Variants in TRPA1 observed in about 807,000 individuals in gnomAD.
The protein encoded by TRPA1 is ankyrin-like with transmembrane domains 1.
A neutral mutation model predicts 131.3 loss-of-function variants in TRPA1; 129 were observed. The ratio of observed to expected loss-of-function variants is 0.98; its 90% CI spans 0.85 to 1.14. The LOEUF (loss-of-function observed/expected upper bound fraction) is 1.14, where lower values mean the gene tolerates loss of function less well. Ranked by LOEUF, TRPA1 falls within the 50% of genes most tolerant of loss-of-function variation. The probability of loss-of-function intolerance (pLI) is 0.00; values close to 1 mark genes in which losing one functional copy is unlikely to be tolerated. For missense variants in TRPA1, 1,304 were observed against 1,354.2 expected, an observed-to-expected ratio of 0.96 and a Z score of 0.58; for synonymous variants, 441 against 451.7, an observed-to-expected ratio of 0.98 and a Z score of 0.30.
intron 24 of TRPA1, among the ~76,000 whole-genome samples, chr8:72,028,233 C>A (rs927109265): frequency 4.6e-5 from 7 of 152,176 alleles, no homozygotes; most frequent in Admixed American, 6.5e-5. Flanking sequence ...AATAACTCTC[C>A]ACTAACTTAC....
At chr8:72,045,042 A>G (rs1478922330) in intron 17 of TRPA1, among the ~76,000 whole-genome samples, 3 of 152,046 alleles carry the variant, frequency 2.0e-5, no homozygotes. Context: ...TTAGAATTAA[A>G]AAACACATAC....
At chr8:72,044,078 C>A (rs1812346381) in intron 17 of TRPA1, among the ~76,000 whole-genome samples, 1 of 151,380 alleles carries the variant, frequency 6.6e-6, no homozygotes, top group African/African-American at 2.4e-5. Flanking sequence ...TTACCCCAAC[C>A]ATTTGAAAAG....
chr8:72,027,106 C>T (rs1811636744), intron 24 of TRPA1, among the ~76,000 whole-genome samples: 2 of 151,886 alleles, frequency 1.3e-5, no homozygotes, highest in South Asian at 4.2e-4. Flanking sequence ...TTCCTTTTTT[C>T]CCCTTTGCTC....
At chr8:72,029,417 T>C (rs1367766822) in intron 24 of TRPA1, among the ~76,000 whole-genome samples, 2 of 152,184 alleles carry the variant, frequency 1.3e-5, no homozygotes, top group African/African-American at 4.8e-5. Flanking sequence ...TTAGAGCAGG[T>C]ATACCAGGTA....
At position 72,065,600 on chromosome 8, in the gene TRPA1, T is replaced by A; in HGVS notation, c.445-42A>T. ...ATAATTGTCAAAATTTTTGCAGATTTCCAAATAAGGTACTTGCCTTCCACT... is the reference window on the plus strand; with the variant it reads ...ATAATTGTCAAAATTTTTGCAGATTACCAAATAAGGTACTTGCCTTCCACT... On this transcript the variant is annotated intron_variant, in intron 3 of 26. Coordinates refer to ENST00000262209, the MANE Select transcript of TRPA1 (RefSeq NM_007332.3). 2 of 1,497,990 alleles carry A rather than the reference T, an allele frequency of 1.3e-6. 1 individual carries two copies. The highest frequency in any genetic ancestry group is 3.4e-4 in the Middle Eastern group (2 of 5,830). 92.8% of individuals were successfully genotyped at this position (1,497,990 alleles called of 1,614,324 possible). A position where few individuals can be genotyped will look rare whatever the true frequency, so the allele number is the denominator to read the frequency against.
At chr8:72,077,601 G>C (rs544662286), upstream of TRPA1, among the ~76,000 whole-genome samples, 1 of 152,118 alleles carries the variant, frequency 6.6e-6, no homozygotes, top group South Asian at 2.1e-4. Flanking sequence ...TGGGGGTCTT[G>C]TTCCTTTTAG....
At chr8:72,039,395 T>G (rs929415894) in intron 18 of TRPA1, among the ~76,000 whole-genome samples, 5 of 152,062 alleles carry the variant, frequency 3.3e-5, no homozygotes, top group Non-Finnish European at 5.9e-5. Context: ...TTTCATTTAA[T>G]GTTAAAGATA....
At chr8:72,054,252 AT>A (rs1200697982) in intron 12 of TRPA1, 9 of 258,386 alleles carry the variant, frequency 3.5e-5, no homozygotes, top group South Asian at 3.2e-4. Flanking sequence ...CTGTATCAAA[AT>A]TTTTTTATGA....
At chr8:72,035,980 C>T (rs558155581) in intron 21 of TRPA1, among the ~76,000 whole-genome samples, 4 of 99,134 alleles carry the variant, frequency 4.0e-5, no homozygotes, top group African/African-American at 1.6e-4. Context: ...AAGCAATTTA[C>T]GATATACAAG....
intron 25 of TRPA1, among the ~76,000 whole-genome samples, chr8:72,025,112 G>A (rs199813348): frequency 5.7e-5 from 4 of 70,406 alleles, no homozygotes; most frequent in African/African-American, 3.6e-4. Flanking sequence ...GTTCGTGTGT[G>A]TGTGTGTGTG....
rs770391316 is a variant in TRPA1, at chr8:72,075,459, G to A, written c.-50C>T. 1.3e-5 allele frequency: 19 copies of A among 1,471,110 alleles called. No individual in the cohort carries two copies. The South Asian group carries it at 1.9e-4, about 15-fold the overall frequency. The allele number at this position is 1,471,110 out of a possible 1,614,324, so 91.1% of individuals were successfully genotyped here. On this transcript the variant is annotated 5_prime_UTR_variant, in exon 1 of 27. Transcript: ENST00000262209. ...GTGCAGCTGCTCACCACGCGCGCGG[G>A]CACCTGGGGCGAGAGAGCGCTGTCA...
the TRPA1 span, among the ~76,000 whole-genome samples, chr8:72,089,116 TACTTA>T: frequency 0.058 from 8,811 of 152,210 alleles, 543 homozygotes; most frequent in African/African-American, 0.16. Flanking sequence ...CATATTTTAT[TACTTA>T]ACTTAATCAG....
Position 72,022,778 on chromosome 8 carries a change from T to C in TRPA1, c.*128A>G, listed in dbSNP as rs1210027033. 2 of 861,898 alleles carry C rather than the reference T, an allele frequency of 2.3e-6. No individual in the cohort carries two copies. Among genetic ancestry groups the C allele is most frequent in the African/African-American group, 3.3e-5 (2 of 59,958 alleles). The allele number at this position is 861,898 out of a possible 1,614,324, so 53.4% of individuals were successfully genotyped here. A position where few individuals can be genotyped will look rare whatever the true frequency, so the allele number is the denominator to read the frequency against. On this transcript the variant is annotated 3_prime_UTR_variant, in exon 27 of 27. Transcript: ENST00000262209. Reference sequence around the variant, plus strand: ...AAAGATGGTTTACTTTTATACAGCATGCAGGAACCATGATTTCACACGCAG... The same window carrying C: ...AAAGATGGTTTACTTTTATACAGCACGCAGGAACCATGATTTCACACGCAG...
chr8:72,074,823 T>C (rs1169850909), intron 1 of TRPA1, among the ~76,000 whole-genome samples: 1 of 152,134 alleles, frequency 6.6e-6, no homozygotes, highest in Non-Finnish European at 1.5e-5. Context: ...TCTGCAACGC[T>C]CTAAGTGCAG....
chr8:72,035,284 C>T (rs975348044), intron 21 of TRPA1, among the ~76,000 whole-genome samples: 1 of 152,116 alleles, frequency 6.6e-6, no homozygotes, highest in African/African-American at 2.4e-5. Context: ...AATGACAGAG[C>T]CAAGGGTGTG....
intron 7 of TRPA1, 114 bp downstream of exon 7, chr8:72,061,511 T>G: frequency 2.3e-6 from 3 of 1,296,780 alleles, no homozygotes; most frequent in Non-Finnish European, 3.3e-6. Context: ...CTTTGCCCTT[T>G]TCCTTTGAAC....
In TRPA1 at chr8:72,063,913, T is replaced by C. The variant is rs965461595; in HGVS notation, c.553-342A>G. Among the ~76,000 whole-genome samples, 4 of 152,270 alleles carry C rather than the reference T, an allele frequency of 2.6e-5. No individual in the cohort carries two copies. In the East Asian group the frequency reaches 7.7e-4, roughly 29 times the overall value. On this transcript the variant is annotated intron_variant, in intron 4 of 26. Coordinates refer to ENST00000262209, the MANE Select transcript of TRPA1 (RefSeq NM_007332.3). The stretch of plus-strand genomic sequence containing the variant: ...AACTATTTTCAGTTTCTTATGCAAA[T>C]AAAGTGATATATCCTAGATTCTTTT...
intron 26 of TRPA1, 60 bp downstream of exon 26, chr8:72,023,754 G>A: frequency 3.1e-6 from 3 of 971,676 alleles, no homozygotes; most frequent in Non-Finnish European, 5.0e-6. Context: ...ATCTTACATT[G>A]TGCATTATTA....
intron 2 of TRPA1, among the ~76,000 whole-genome samples, chr8:72,069,703 C>T (rs1044321846): frequency 6.6e-6 from 1 of 151,468 alleles, no homozygotes; most frequent in African/African-American, 2.4e-5. Flanking sequence ...TACCATACTT[C>T]TCTGAACCTC....
Sources: gnomAD v4.1 joint callset for allele counts (sites outside exome capture counted in the v4.1 genomes callset) on GRCh38, gnomAD v4.1.1 for gene constraint, MANE v1.5 for transcripts, NCBI Gene and HGNC (gene_info 2026-07-23, HGNC 2026-07-21) for gene names.